DST: variants seen among roughly 807,000 people sequenced by gnomAD.
DST encodes dystonin.
In DST, 253 loss-of-function variants were observed where a neutral mutation model predicts 875.2. The ratio of observed to expected loss-of-function variants is 0.29; its 90% CI spans 0.26 to 0.32. The LOEUF (loss-of-function observed/expected upper bound fraction) is 0.32, where lower values mean the gene tolerates loss of function less well. DST is among the 10% of genes least tolerant of loss of function. DST has a pLI of 1.00. For missense variants in DST, 8,287 were observed against 9,111.6 expected, an observed-to-expected ratio of 0.91 and a Z score of 3.68; for synonymous variants, 3,124 against 3,197.1, an observed-to-expected ratio of 0.98 and a Z score of 0.77.
intron 53 of DST, among the ~76,000 whole-genome samples, chr6:56,570,264 T>A (rs2097759579): frequency 1.3e-5 from 2 of 152,168 alleles, no homozygotes; most frequent in South Asian, 4.1e-4. Flanking sequence ...TTGGGATGAT[T>A]AAATGCATTA....
chr6:56,686,066 G>A (rs1382825687), intron 9 of DST, among the ~76,000 whole-genome samples: 1 of 152,196 alleles, frequency 6.6e-6, no homozygotes, highest in Non-Finnish European at 1.5e-5. Context: ...CAATGGACTG[G>A]ATAAAGAAAA....
chr6:56,593,106 A>G (rs1342135662), intron 48 of DST, among the ~76,000 whole-genome samples: 1 of 152,166 alleles, frequency 6.6e-6, no homozygotes, highest in African/African-American at 2.4e-5. Flanking sequence ...TTGTGGTCAC[A>G]CTGGATATTA....
intron 3 of DST, among the ~76,000 whole-genome samples, chr6:56,880,676 G>C (rs555259023): frequency 5.3e-4 from 77 of 145,418 alleles, no homozygotes; most frequent in African/African-American, 1.9e-3. Flanking sequence ...GACAGAGTGA[G>C]ACTCCGTCTC....
intron 5 of DST, among the ~76,000 whole-genome samples, chr6:56,717,411 C>T (rs1012002856): frequency 1.8e-4 from 28 of 151,906 alleles, no homozygotes; most frequent in Non-Finnish European, 3.7e-4. Context: ...TTGGAAACCC[C>T]TGGTTTAAAT....
At chr6:56,932,970 TTTGG>T (rs2127765972) in intron 2 of DST, among the ~76,000 whole-genome samples, 1 of 151,466 alleles carries the variant, frequency 6.6e-6, no homozygotes, top group East Asian at 1.9e-4. Context: ...TAATACAATG[TTTGG>T]TTCTCTATAG....
chr6:56,740,358 G>C (rs1191256118), intron 4 of DST, among the ~76,000 whole-genome samples: 1 of 152,170 alleles, frequency 6.6e-6, no homozygotes. Context: ...ACACCTGACA[G>C]AAAGGCAGTG....
rs757647463 is a variant in DST at position 56,609,229 on chromosome 6, G to A, written c.5399C>T (p.Thr1800Ile). The A allele has an allele frequency of 6.2e-7, 1 of 1,613,700 alleles. No homozygotes were observed. Among genetic ancestry groups the A allele is most frequent in the South Asian group, 1.1e-5 (1 of 91,068 alleles). The change falls in exon 40 of 104, where the codon ACA (threonine) becomes ATA (isoleucine). Residue 1800 changes from threonine (T) to isoleucine (I), a missense_variant. Transcript: ENST00000680361. ...AATTAGACCAGAAATCATTAGCTGT[G>A]TCTCAAGCAACCTAATTCCTGTGTC... ...DYDTGIRLLE[T>I]QLMISGLISP...
chr6:56,477,314 C>T (rs368550840), intron 91 of DST, 31 bp downstream of exon 91: 70 of 1,602,364 alleles, frequency 4.4e-5, no homozygotes, highest in Non-Finnish European at 5.6e-5. Flanking sequence ...AAAGCTATTG[C>T]TACTCTGAAG....
intron 28 of DST, 104 bp downstream of exon 28, chr6:56,632,750 C>G: frequency 1.1e-6 from 1 of 890,854 alleles, no homozygotes; most frequent in South Asian, 1.4e-5. Context: ...ATATCATAGG[C>G]TGGGTGATAC....
chr6:56,799,006 T>G (rs947883018), intron 4 of DST, among the ~76,000 whole-genome samples: 1 of 151,884 alleles, frequency 6.6e-6, no homozygotes, highest in African/African-American at 2.4e-5. Flanking sequence ...GAATGAGGAG[T>G]TGCTTCTTAT....
At chr6:56,722,150 C>T (rs1159276982) in intron 5 of DST, among the ~76,000 whole-genome samples, 2 of 151,914 alleles carry the variant, frequency 1.3e-5, no homozygotes, top group East Asian at 1.9e-4. Flanking sequence ...ATTTGGCCCA[C>T]AGGCCATAGT....
At chr6:56,798,533 T>C (rs944053053) in intron 4 of DST, among the ~76,000 whole-genome samples, 5 of 152,226 alleles carry the variant, frequency 3.3e-5, no homozygotes, top group Non-Finnish European at 7.3e-5. Context: ...CTATTGGCAA[T>C]GTACCTAGTC....
In DST at chr6:56,778,355, T is replaced by C. The variant is rs565351897; in HGVS notation, c.626-43066A>G. Among the ~76,000 whole-genome samples, 463 of 136,082 alleles carry C rather than the reference T, an allele frequency of 3.4e-3. 4 individuals are homozygous for C. Among genetic ancestry groups the C allele is most frequent in the African/African-American group, 0.015 (448 of 29,826 alleles). 89.3% of individuals were successfully genotyped at this position (136,082 alleles called of 152,430 possible). On this transcript the variant is annotated intron_variant, in intron 4 of 103. Coordinates refer to ENST00000680361, the MANE Select transcript of DST (RefSeq NM_001374736.1). ...CAGAGTCTTCCTTATTCTTTTCTCT[T>C]TTTTTTTTTTTTTTCAAATCTGTTA...
chr6:56,709,338 C>T (rs141997353), intron 5 of DST, among the ~76,000 whole-genome samples: 151 of 152,306 alleles, frequency 9.9e-4, no homozygotes, highest in African/African-American at 3.6e-3. Context: ...GGAGTGAGAA[C>T]ACATTAGCTC....
Position 56,640,619 on chromosome 6 carries a change from C to T in DST, c.2028-14G>A, listed in dbSNP as rs1377446352. On this transcript the variant is annotated splice_polypyrimidine_tract_variant and intron_variant, in intron 17 of 103. Coordinates refer to ENST00000680361, the MANE Select transcript of DST (RefSeq NM_001374736.1). ...AGTTTTGCAACCCTGAAAAGAAAAT[C>T]CAAAGGGATAAGGTGAAATATAAAG... 6.2e-7 allele frequency: 1 copy of T among 1,600,778 alleles called. No homozygotes were observed. The highest frequency in any genetic ancestry group is 8.6e-7 in the Non-Finnish European group (1 of 1,168,560).
At chr6:56,885,925 C>T (rs1592083966) in intron 3 of DST, among the ~76,000 whole-genome samples, 1 of 152,306 alleles carries the variant, frequency 6.6e-6, no homozygotes, top group East Asian at 1.9e-4. Flanking sequence ...TAGCAAGGGT[C>T]AATGTAGATT....
intron 93 of DST, among the ~76,000 whole-genome samples, chr6:56,473,022 G>A (rs1210717864): frequency 6.6e-6 from 1 of 152,192 alleles, no homozygotes; most frequent in Non-Finnish European, 1.5e-5. Context: ...CTATATGCCT[G>A]GAAGTAGGTT....
At chr6:56,713,394 T>C (rs371414665) in intron 5 of DST, among the ~76,000 whole-genome samples, 2 of 152,204 alleles carry the variant, frequency 1.3e-5, no homozygotes, top group African/African-American at 4.8e-5. Flanking sequence ...GCCTGACCTA[T>C]AATCTCAACA....
At chr6:56,934,592 TGA>T (rs1294982472) in intron 2 of DST, among the ~76,000 whole-genome samples, 2 of 95,080 alleles carry the variant, frequency 2.1e-5, no homozygotes, top group African/African-American at 3.8e-5. Context: ...ATATATATCG[TGA>T]GAGAGAGAGA....
Sources: allele counts gnomAD v4.1 joint callset (sites outside exome capture counted in the v4.1 genomes callset), GRCh38; gene constraint gnomAD v4.1.1; transcripts MANE v1.5; gene names NCBI Gene and HGNC (gene_info 2026-07-23, HGNC 2026-07-21).